CCDC178: variants seen among roughly 807,000 people sequenced by gnomAD.
CCDC178 encodes the protein coiled-coil domain-containing protein 178.
CCDC178 carries 126 observed loss-of-function variants against 117.4 expected under a neutral mutation model. That is an observed-to-expected ratio of 1.07 (90% CI 0.93 to 1.24). CCDC178 has a LOEUF of 1.24. Among genes scored for constraint, CCDC178 ranks in the 50% most tolerant of loss-of-function variants. CCDC178 has a pLI of 0.00. For missense variants in CCDC178, 1,030 were observed against 986.9 expected (o/e 1.04, Z -0.59); for synonymous variants, 283 against 313.4 (o/e 0.90, Z 1.02).
intron 21 of CCDC178, among the ~76,000 whole-genome samples, chr18:32,996,125 GA>G (rs888824070): frequency 7.3e-5 from 11 of 151,126 alleles, no homozygotes; most frequent in African/African-American, 2.7e-4. Flanking sequence ...AAATATAATA[GA>G]AAAAAAATTC....
chr18:33,330,316 T>G (rs1445770642), intron 10 of CCDC178, among the ~76,000 whole-genome samples: 1 of 152,130 alleles, frequency 6.6e-6, no homozygotes. Context: ...AGCATCTCAG[T>G]TTCATGATGG....
chr18:33,291,500 G>A (rs1029663948), intron 12 of CCDC178, among the ~76,000 whole-genome samples: 3 of 151,892 alleles, frequency 2.0e-5, no homozygotes, highest in African/African-American at 7.3e-5. Context: ...ACCATAATGA[G>A]GTACAATTAA....
chr18:33,218,995 A>C (rs1045222656), intron 18 of CCDC178, among the ~76,000 whole-genome samples: 15 of 152,082 alleles, frequency 9.9e-5, no homozygotes, highest in African/African-American at 2.9e-4. Context: ...GAAGAAAGTC[A>C]TTGGTAGCTT....
chr18:33,216,962 C>A (rs763502243), intron 18 of CCDC178, among the ~76,000 whole-genome samples: 1 of 151,938 alleles, frequency 6.6e-6, no homozygotes, highest in Non-Finnish European at 1.5e-5. Context: ...CTAAACTTGA[C>A]GTTTAGATCA....
chr18:33,354,128 C>T (rs1452069695), intron 7 of CCDC178, among the ~76,000 whole-genome samples: 3 of 152,156 alleles, frequency 2.0e-5, no homozygotes, highest in African/African-American at 7.2e-5. Context: ...CTGACTTCCA[C>T]AATTCCTAAT....
rs77394443 is a variant in CCDC178 at position 32,938,853 on chromosome 18, G to A, written c.2524-762C>T. Among the ~76,000 whole-genome samples, 749 of 152,182 alleles carry A rather than the reference G, an allele frequency of 4.9e-3. 8 individuals are homozygous for A. Among genetic ancestry groups the A allele is most frequent in the African/African-American group, 0.017 (721 of 41,536 alleles). On this transcript the variant is annotated intron_variant, in intron 22 of 22. Coordinates refer to ENST00000383096, the MANE Select transcript of CCDC178 (RefSeq NM_001105528.4). Reference sequence around the variant, plus strand: ...AAACTATTCTTGTAGATAGGAAAACGCAGAGTTCACTTTTGTTTTTGGATA... The same window carrying A: ...AAACTATTCTTGTAGATAGGAAAACACAGAGTTCACTTTTGTTTTTGGATA...
At chr18:33,302,511 C>T (rs2062189998) in intron 11 of CCDC178, among the ~76,000 whole-genome samples, 1 of 152,148 alleles carries the variant, frequency 6.6e-6, no homozygotes, top group Non-Finnish European at 1.5e-5. Context: ...AATCTCACTA[C>T]TGGGCATTTA....
intron 12 of CCDC178, among the ~76,000 whole-genome samples, chr18:33,280,774 TA>T (rs1259383608): frequency 6.6e-6 from 1 of 152,084 alleles, no homozygotes; most frequent in East Asian, 1.9e-4. Context: ...TATGCAGCCA[TA>T]AAAAATGATG....
chr18:33,318,792 A>G (rs556193196), intron 11 of CCDC178, among the ~76,000 whole-genome samples: 53 of 152,260 alleles, frequency 3.5e-4, no homozygotes, highest in African/African-American at 1.3e-3. Flanking sequence ...CCAAAGGAAA[A>G]AATATATAGA....
At chr18:33,096,022 A>G (rs551221835) in intron 20 of CCDC178, among the ~76,000 whole-genome samples, 5 of 151,986 alleles carry the variant, frequency 3.3e-5, no homozygotes, top group Admixed American at 6.6e-5. Context: ...ACCATTGCTA[A>G]GGAAAGGCTT....
intron 9 of CCDC178, among the ~76,000 whole-genome samples, chr18:33,338,831 C>T (rs1317470353): frequency 2.6e-5 from 4 of 151,950 alleles, no homozygotes; most frequent in Admixed American, 2.6e-4. Flanking sequence ...TCAGAAATCA[C>T]CACTAAAGAA....
intron 5 of CCDC178, 123 bp from the exon 6 acceptor site, chr18:33,370,312 G>A (rs2063280386): frequency 2.2e-6 from 1 of 463,304 alleles, no homozygotes; most frequent in Non-Finnish European, 3.7e-6. Context: ...TAATAGAGAG[G>A]CTGAGAAATC....
intron 12 of CCDC178, among the ~76,000 whole-genome samples, chr18:33,269,733 T>G (rs1599080725): frequency 6.6e-6 from 1 of 151,870 alleles, no homozygotes; most frequent in East Asian, 1.9e-4. Context: ...CAAAGATTAC[T>G]ACTTCAGCAA....
intron 2 of CCDC178, among the ~76,000 whole-genome samples, chr18:33,426,524 C>T (rs1479779227): frequency 6.6e-6 from 1 of 152,162 alleles, no homozygotes; most frequent in Non-Finnish European, 1.5e-5. Flanking sequence ...ATTTTACGTT[C>T]TGTATTCTAA....
intron 22 of CCDC178, among the ~76,000 whole-genome samples, chr18:32,963,954 T>G (rs2144667134): frequency 6.6e-6 from 1 of 152,160 alleles, no homozygotes; most frequent in South Asian, 2.1e-4. Flanking sequence ...TTGTATACAT[T>G]ATGTTGGTAA....
chr18:33,074,223 A>C (rs78572341), intron 21 of CCDC178, among the ~76,000 whole-genome samples: 1 of 151,936 alleles, frequency 6.6e-6, no homozygotes, highest in Non-Finnish European at 1.5e-5. Flanking sequence ...TAAAATGTGC[A>C]TATATATTAA....
chr18:33,038,926 A>G (rs2056495183), intron 21 of CCDC178, among the ~76,000 whole-genome samples: 1 of 152,072 alleles, frequency 6.6e-6, no homozygotes, highest in African/African-American at 2.4e-5. Flanking sequence ...ATCAAGAATT[A>G]TCAAAAACAC....
At chr18:33,099,542 T>C (rs1177002730) in intron 20 of CCDC178, among the ~76,000 whole-genome samples, 1 of 152,024 alleles carries the variant, frequency 6.6e-6, no homozygotes, top group Non-Finnish European at 1.5e-5. Flanking sequence ...TCCCCCACTT[T>C]TATTCATGGG....
intron 20 of CCDC178, among the ~76,000 whole-genome samples, chr18:33,192,582 A>G (rs1371490989): frequency 6.6e-6 from 1 of 152,224 alleles, no homozygotes; most frequent in Non-Finnish European, 1.5e-5. Context: ...CCAACAGAAA[A>G]TTGTAATAAA....
Sources: gnomAD v4.1 joint callset for allele counts (sites outside exome capture counted in the v4.1 genomes callset) on GRCh38, gnomAD v4.1.1 for gene constraint, MANE v1.5 for transcripts, NCBI Gene and HGNC (gene_info 2026-07-23, HGNC 2026-07-21) for gene names.